PSMD3: variants seen among roughly 807,000 people sequenced by gnomAD.
PSMD3 encodes 26S proteasome non-ATPase regulatory subunit 3.
Under a neutral mutation model 62.8 loss-of-function variants are expected in PSMD3, and 5 were observed. The observed-to-expected ratio is 0.08, with a 90% confidence interval of 0.04 to 0.17. The LOEUF (loss-of-function observed/expected upper bound fraction) is 0.17, where lower values mean the gene tolerates loss of function less well. Ranked by LOEUF, PSMD3 falls within the 10% of genes least tolerant of loss-of-function variation. The probability of loss-of-function intolerance (pLI) is 1.00; values close to 1 mark genes in which losing one functional copy is unlikely to be tolerated. For synonymous variants in PSMD3, 265 were observed against 283.9 expected, an observed-to-expected ratio of 0.93 and a Z score of 0.67; for missense variants, 524 against 713.6, an observed-to-expected ratio of 0.73 and a Z score of 3.03.
At chr17:39,982,473 T>C (rs138932769) in intron 1 of PSMD3, among the ~76,000 whole-genome samples, 29 of 152,372 alleles carry the variant, frequency 1.9e-4, no homozygotes, top group Non-Finnish European at 3.1e-4. Context: ...CATAACTAAA[T>C]ATAAATTTTG....
At chr17:39,997,282 T>G in intron 10 of PSMD3, 48 bp from the exon 11 acceptor site, 2 of 1,593,376 alleles carry the variant, frequency 1.3e-6, no homozygotes, top group Non-Finnish European at 1.7e-6. Context: ...CGTGAGTGCC[T>G]CACCTGCTTC....
chr17:39,995,308 A>G lies in PSMD3; in HGVS notation c.1216+13A>G. The G allele has an allele frequency of 6.2e-7, 1 of 1,613,788 alleles. No homozygotes were observed. The highest frequency in any genetic ancestry group is 2.2e-5 in the East Asian group (1 of 44,850). On this transcript the variant is annotated intron_variant, in intron 8 of 11. Transcript: ENST00000264639. The surrounding 1 kb of genome is among the most constrained non-coding windows in gnomAD (Gnocchi z 4.1). ...GTGATTAAGACAGGTGTGGATCAGG[A>G]TCTGAGGGGCTGTTGGAGGAGCAGA...
At chr17:39,992,783 C>T (rs1980690837) in intron 6 of PSMD3, among the ~76,000 whole-genome samples, 1 of 129,696 alleles carries the variant, frequency 7.7e-6, no homozygotes, top group Non-Finnish European at 1.8e-5. Context: ...GGCGGCCGTT[C>T]CTGTCTCCCC....
In PSMD3 at chr17:39,981,078, G is replaced by A. The variant is rs1260311811; in HGVS notation, c.108G>A (p.Glu36=). 1 of 1,550,736 alleles carries A rather than the reference G, an allele frequency of 6.4e-7. No individual in the cohort carries two copies. The highest frequency in any genetic ancestry group is 8.7e-7 in the Non-Finnish European group (1 of 1,146,796). ...PPPPPAPQDV[E]MKEEAATGGG... is the part of the protein sequence containing the mutation. ...CGCCGCCGGCCCCCCAGGATGTGGA[G>A]ATGAAAGAGGAGGCAGCGACGGGTG... Residue 36 remains glutamate (E), a synonymous_variant, in exon 1 of 12, where the codon GAG becomes GAA. Transcript: ENST00000264639.
rs2144816933 is a variant in PSMD3 at position 39,995,218 on chromosome 17, A to G, written c.1139A>G (p.Asp380Gly). 1 of 1,614,018 alleles carries G rather than the reference A, an allele frequency of 6.2e-7. No homozygotes were observed. Among genetic ancestry groups the G allele is most frequent in the African/African-American group, 1.3e-5 (1 of 74,998 alleles). ...GNLAKFNQVL[D>G]QFGEKFQADG... is the part of the protein sequence containing the mutation. ...CTAGCCAAGTTCAACCAGGTCCTGG[A>G]TCAGTTTGGGGAGAAGTTTCAAGCA... is the stretch of plus-strand genomic sequence containing the variant. The change falls in exon 8 of 12, where the codon GAT becomes GGT. Residue 380 changes from aspartate to glycine, a missense_variant. By Grantham distance (94) the Asp-to-Gly change is moderately conservative. Transcript: ENST00000264639. The surrounding 1 kb of genome is among the most constrained non-coding windows in gnomAD (Gnocchi z 4.1).
Position 39,987,219 on chromosome 17 carries a change from C to G in PSMD3, c.549+507C>G, listed in dbSNP as rs907749507. On this transcript the variant is annotated intron_variant, in intron 3 of 11. Coordinates refer to ENST00000264639, the MANE Select transcript of PSMD3 (RefSeq NM_002809.4). ...ATAGCTCCATTTGCAAACTGCACTT[C>G]TACCACTCCCCCAGCTAGGGCCAGC... Among the ~76,000 whole-genome samples, 3 of 134,874 alleles carry G rather than the reference C, an allele frequency of 2.2e-5. No individual in the cohort carries two copies. The East Asian group carries it at 7.1e-4, about 32-fold the overall frequency. 88.5% of individuals were successfully genotyped at this position (134,874 alleles called of 152,430 possible).
At position 39,990,634 on chromosome 17, in the gene PSMD3, C is replaced by G. The variant is rs533034055; in HGVS notation, c.981+437C>G. Among the ~76,000 whole-genome samples, 3 of 152,286 alleles carry G rather than the reference C, an allele frequency of 2.0e-5. No individual in the cohort carries two copies. The South Asian group carries it at 6.2e-4, about 32-fold the overall frequency. On this transcript the variant is annotated intron_variant, in intron 6 of 11. Coordinates refer to ENST00000264639, the MANE Select transcript of PSMD3 (RefSeq NM_002809.4). Reference sequence around the variant, plus strand: ...CATCTATTTGTGGGTGTCAATGAAGCAGACACTACCTGCACCTCTGGCAGT... The same window carrying G: ...CATCTATTTGTGGGTGTCAATGAAGGAGACACTACCTGCACCTCTGGCAGT...
At chr17:39,990,358 TG>T (rs1980627236) in intron 6 of PSMD3, among the ~76,000 whole-genome samples, 161 bp downstream of exon 6, 1 of 151,900 alleles carries the variant, frequency 6.6e-6, no homozygotes, top group Admixed American at 6.6e-5. Context: ...CCACCATGCC[TG>T]GCCCCTTTGC....
chr17:39,995,064 T>C lies in PSMD3; in HGVS notation c.1092T>C (p.Thr364=). 1 of 1,614,114 alleles carries C rather than the reference T, an allele frequency of 6.2e-7. No homozygotes were observed. Among genetic ancestry groups the C allele is most frequent in the East Asian group, 2.2e-5 (1 of 44,886 alleles). The change falls in exon 7 of 12, where the codon ACT becomes ACC. Residue 364 remains threonine (T), a synonymous_variant. Transcript: ENST00000264639. The surrounding 1 kb of genome is among the most constrained non-coding windows in gnomAD (Gnocchi z 4.1). ...CACTCATGCCCTATTTCCTTCTGACTCAAGGTAAGGCTGGCTTCCCCACCC... is the reference window on the plus strand; with the variant it reads ...CACTCATGCCCTATTTCCTTCTGACCCAAGGTAAGGCTGGCTTCCCCACCC... ...KRSLMPYFLL[T]QAVRTGNLAK...
chr17:39,984,429 G>C lies in PSMD3; in HGVS notation c.356G>C (p.Gly119Ala). Residue 119 changes from glycine to alanine, a missense_variant, in exon 2 of 12, where the codon GGC becomes GCC. By Grantham distance (60) the Gly-to-Ala change is moderately conservative. Around this residue, in one of 4 missense-constraint regions of PSMD3, gnomAD observed 396 missense variants for 475.8 expected, o/e 0.83. Coordinates refer to ENST00000264639, the MANE Select transcript of PSMD3 (RefSeq NM_002809.4). ...NHYVLYKAVQ[G>A]FFTSNNATRD... Reference sequence around the variant, plus strand: ...TATGTTCTGTATAAGGCTGTGCAGGGCTTCTTCACTTCAAATAATGCCACT... The same window carrying C: ...TATGTTCTGTATAAGGCTGTGCAGGCCTTCTTCACTTCAAATAATGCCACT... The C allele has an allele frequency of 3.7e-6, 6 of 1,613,380 alleles. No homozygotes were observed. Among genetic ancestry groups the C allele is most frequent in the Non-Finnish European group, 5.1e-6 (6 of 1,179,780 alleles).
intron 2 of PSMD3, 45 bp downstream of exon 2, chr17:39,984,529 A>AT: frequency 6.6e-7 from 1 of 1,508,106 alleles, no homozygotes; most frequent in Non-Finnish European, 9.1e-7. Context: ...CTGGCCTCAG[A>AT]TCCCCAGGAA....
intron 1 of PSMD3, 32 bp from the exon 2 acceptor site, chr17:39,984,262 G>A: frequency 3.3e-6 from 5 of 1,495,008 alleles, no homozygotes; most frequent in African/African-American, 1.4e-5. Context: ...AGGAGTGAAA[G>A]TGACATCATT....
In PSMD3 at chr17:39,986,575, C is replaced by A; in HGVS notation, c.412C>A (p.Pro138Thr). The change falls in exon 3 of 12, where the codon CCC (proline) becomes ACC (threonine). Residue 138 changes from proline to threonine, a missense_variant and splice_region_variant. By Grantham distance (38) the Pro-to-Thr change is conservative (BLOSUM62 -1). Coordinates refer to ENST00000264639, the MANE Select transcript of PSMD3 (RefSeq NM_002809.4). ...CATGGTAACTTCTGTCCTCTCCTAG[C>A]CCATGGACACAGAGGCTGATTTACA... ...RDFLLPFLEE[P>T]MDTEADLQFR... is the part of the protein sequence containing the mutation. 1 of 1,614,176 alleles carries A rather than the reference C, an allele frequency of 6.2e-7. No individual in the cohort carries two copies. Among genetic ancestry groups the A allele is most frequent in the Non-Finnish European group, 8.5e-7 (1 of 1,180,008 alleles).
In PSMD3 at chr17:39,989,948, C is replaced by T. The variant is rs1278754639; in HGVS notation, c.877+19C>T. ...TACACAGGTGAGCAGAGGGGCCCAACCCATAAATCAGAAGGTGTCTCAGGC... is the reference window on the plus strand; with the variant it reads ...TACACAGGTGAGCAGAGGGGCCCAATCCATAAATCAGAAGGTGTCTCAGGC... On this transcript the variant is annotated intron_variant, in intron 5 of 11. Coordinates refer to ENST00000264639, the MANE Select transcript of PSMD3 (RefSeq NM_002809.4). The T allele has an allele frequency of 6.2e-7, 1 of 1,603,762 alleles. No homozygotes were observed. Among genetic ancestry groups the T allele is most frequent in the South Asian group, 1.1e-5 (1 of 90,792 alleles).
At position 39,990,085 on chromosome 17, in the gene PSMD3, C is replaced by A; in HGVS notation, c.878-9C>A. 6.2e-7 allele frequency: 1 copy of A among 1,613,318 alleles called. No homozygotes were observed. The highest frequency in any genetic ancestry group is 8.5e-7 in the Non-Finnish European group (1 of 1,179,298). The stretch of plus-strand genomic sequence containing the variant: ...TCTGTTGACCAACTCTCCTCTCCTC[C>A]ACTCCCAGGGCGAATCAAAGCCATC... On this transcript the variant is annotated splice_polypyrimidine_tract_variant and intron_variant, in intron 5 of 11. Transcript: ENST00000264639.
intron 6 of PSMD3, chr17:39,994,676 T>G (rs1369844876): frequency 2.2e-6 from 1 of 456,538 alleles, no homozygotes; most frequent in Non-Finnish European, 4.0e-6. Context: ...CACTGTCATT[T>G]CAGAGCAGAC....
chr17:39,997,676 C>A lies in PSMD3; in HGVS notation c.*95C>A. The A allele has an allele frequency of 7.2e-7, 1 of 1,395,372 alleles. No homozygotes were observed. The highest frequency in any genetic ancestry group is 1.2e-5 in the South Asian group (1 of 82,276). The allele number at this position is 1,395,372 out of a possible 1,614,324, so 86.4% of individuals were successfully genotyped here. A position where few individuals can be genotyped will look rare whatever the true frequency, so the allele number is the denominator to read the frequency against. On this transcript the variant is annotated 3_prime_UTR_variant, in exon 12 of 12. Transcript: ENST00000264639. ...GGCACTGTCCCCATTTTCCCACACA[C>A]AGCTCATATGCTGCATTCGTGCAGG...
intron 3 of PSMD3, among the ~76,000 whole-genome samples, chr17:39,987,767 GC>G (rs71355433): frequency 0.2 from 30,858 of 152,022 alleles, 3,949 homozygotes; most frequent in African/African-American, 0.35. Flanking sequence ...ACAGGCACGT[GC>G]CACTGTACTT....
chr17:39,993,068 C>G (rs895375716), intron 6 of PSMD3: 1 of 152,218 alleles, frequency 6.6e-6, no homozygotes, highest in Non-Finnish European at 1.5e-5. Flanking sequence ...AAATTGATTT[C>G]ATCACAATTC....
Sources: gnomAD v4.1 joint callset for allele counts (sites outside exome capture counted in the v4.1 genomes callset) on GRCh38, gnomAD v4.1.1 for gene constraint, gnomAD v4.1.1 regional missense constraint, Gnocchi (gnomAD v3.1) non-coding constraint, MANE v1.5 for transcripts, NCBI Gene and HGNC (gene_info 2026-07-23, HGNC 2026-07-21) for gene names.